MSRB3: variants seen among roughly 807,000 people sequenced by gnomAD.
The protein encoded by MSRB3 is methionine sulfoxide reductase B3.
MSRB3 carries 13 observed loss-of-function variants against 21.0 expected under a neutral mutation model. That is an observed-to-expected ratio of 0.62 (90% CI 0.40 to 0.98). The LOEUF (loss-of-function observed/expected upper bound fraction) is 0.98, where lower values mean the gene tolerates loss of function less well. MSRB3 is among the 50% of genes least tolerant of loss of function. The pLI, the probability that MSRB3 is intolerant of heterozygous loss-of-function variation, is 0.00. For missense variants in MSRB3, 199 were observed against 230.3 expected (o/e 0.86, Z 0.88); for synonymous variants, 87 against 88.6 (o/e 0.98, Z 0.10).
chr12:65,394,409 C>T (rs1879664813), intron 5 of MSRB3, among the ~76,000 whole-genome samples: 1 of 152,118 alleles, frequency 6.6e-6, no homozygotes, highest in Non-Finnish European at 1.5e-5. Flanking sequence ...ATAGGATATA[C>T]TTGTAACTGA....
At chr12:65,429,770 A>G (rs148713142) in intron 5 of MSRB3, among the ~76,000 whole-genome samples, 1 of 152,194 alleles carries the variant, frequency 6.6e-6, no homozygotes, top group East Asian at 1.9e-4. Flanking sequence ...CAGCTATATC[A>G]TAATGAATTC....
intron 5 of MSRB3, among the ~76,000 whole-genome samples, chr12:65,387,183 G>A (rs1870841880): frequency 6.6e-6 from 1 of 151,956 alleles, no homozygotes; most frequent in South Asian, 2.1e-4. Context: ...AAAAAAATCA[G>A]CAACATGAAT....
rs1382267389 is a variant in MSRB3 at position 65,434,828 on chromosome 12, C to T, written c.293-18900C>T. ...CACTGATATAATTATATCATTTGGT[C>T]TTTGTAACAGCTTTGTAAAATCACA... On this transcript the variant is annotated intron_variant, in intron 5 of 6. Transcript: ENST00000308259. Among the ~76,000 whole-genome samples the T allele has an allele frequency of 2.0e-5, 3 of 151,834 alleles. No homozygotes were observed. The East Asian group carries it at 5.8e-4, about 29-fold the overall frequency.
At chr12:65,343,731 G>C (rs1876299240) in intron 4 of MSRB3, among the ~76,000 whole-genome samples, 3 of 152,002 alleles carry the variant, frequency 2.0e-5, no homozygotes, top group African/African-American at 7.2e-5. Flanking sequence ...ATTCATGTCT[G>C]TCTGGCCCCT....
intron 4 of MSRB3, among the ~76,000 whole-genome samples, chr12:65,345,633 A>T (rs544801099): frequency 6.6e-6 from 1 of 152,146 alleles, no homozygotes; most frequent in Non-Finnish European, 1.5e-5. Context: ...CACAACGTGC[A>T]GGTTTGTTAC....
intron 1 of MSRB3, chr12:65,279,421 G>T (rs1288294138): frequency 6.6e-6 from 1 of 152,060 alleles, no homozygotes; most frequent in African/African-American, 2.4e-5. Context: ...CCCGCCGCCC[G>T]CCCTCCCTGC....
chr12:65,281,944 C>T (rs1290031297), intron 1 of MSRB3: 1 of 152,256 alleles, frequency 6.6e-6, no homozygotes, highest in Non-Finnish European at 1.5e-5. Context: ...GTTAGCATTT[C>T]TTCTTGCTGT....
intron 5 of MSRB3, among the ~76,000 whole-genome samples, chr12:65,383,129 T>C (rs1879032586): frequency 6.6e-6 from 1 of 152,228 alleles, no homozygotes; most frequent in Non-Finnish European, 1.5e-5. Flanking sequence ...TGATCAAATG[T>C]ACAAATCAAA....
At chr12:65,457,257 CAT>C (rs961389903) in intron 6 of MSRB3, among the ~76,000 whole-genome samples, 8 of 152,036 alleles carry the variant, frequency 5.3e-5, no homozygotes, top group African/African-American at 9.7e-5. Context: ...TTCTGGGAAA[CAT>C]GTGCAGAACG....
At chr12:65,359,843 T>A (rs1056811579) in intron 4 of MSRB3, among the ~76,000 whole-genome samples, 13 of 152,156 alleles carry the variant, frequency 8.5e-5, no homozygotes, top group African/African-American at 3.1e-4. Flanking sequence ...TTGGCTTTTA[T>A]TGGAGGTTTG....
chr12:65,436,974 G>A (rs1882147066), intron 5 of MSRB3, among the ~76,000 whole-genome samples: 1 of 151,850 alleles, frequency 6.6e-6, no homozygotes, highest in Non-Finnish European at 1.5e-5. Flanking sequence ...GAATAAATAG[G>A]ATGTGTACAC....
chr12:65,356,809 A>T (rs1877410096), intron 4 of MSRB3, among the ~76,000 whole-genome samples: 1 of 151,882 alleles, frequency 6.6e-6, no homozygotes, highest in Non-Finnish European at 1.5e-5. Context: ...TGAATTATTG[A>T]TTTGGGCCCA....
intron 5 of MSRB3, among the ~76,000 whole-genome samples, chr12:65,411,986 C>T (rs1296315870): frequency 6.6e-6 from 1 of 152,026 alleles, no homozygotes; most frequent in Non-Finnish European, 1.5e-5. Context: ...AGACAGGCAG[C>T]ATATAGCTTA....
intron 5 of MSRB3, among the ~76,000 whole-genome samples, chr12:65,375,582 G>A (rs1878565601): frequency 6.6e-6 from 1 of 151,968 alleles, no homozygotes; most frequent in Non-Finnish European, 1.5e-5. Flanking sequence ...GAATACAGGT[G>A]CACACCACCA....
intron 5 of MSRB3, among the ~76,000 whole-genome samples, chr12:65,429,038 G>T (rs1265176731): frequency 6.6e-6 from 1 of 151,932 alleles, no homozygotes; most frequent in Admixed American, 6.6e-5. Flanking sequence ...TTTACCCTTG[G>T]CCTCTAGTAT....
chr12:65,351,545 A>T lies in MSRB3; in HGVS notation c.264-17453A>T, dbSNP rs1876993826. 5.3e-5 allele frequency among the ~76,000 whole-genome samples: 8 copies of T among 150,440 alleles called. 1 individual carries two copies. In the South Asian group the frequency reaches 1.5e-3, roughly 27 times the overall value. On this transcript the variant is annotated intron_variant, in intron 4 of 6. Transcript: ENST00000308259. Reference sequence around the variant, plus strand: ...AGGAGCTGGTTTTTTGAAGGGATCAACAAAATTGATAGACTGCTAGCAAGA... The same window carrying T: ...AGGAGCTGGTTTTTTGAAGGGATCATCAAAATTGATAGACTGCTAGCAAGA...
chr12:65,369,779 A>G (rs1036512015), intron 5 of MSRB3, among the ~76,000 whole-genome samples: 2 of 152,196 alleles, frequency 1.3e-5, no homozygotes, highest in Non-Finnish European at 1.5e-5. Context: ...TAACAGATAA[A>G]TAAACATTAA....
At chr12:65,282,676 GTT>G (rs796149617) in intron 1 of MSRB3, among the ~76,000 whole-genome samples, 65 of 133,746 alleles carry the variant, frequency 4.9e-4, no homozygotes, top group African/African-American at 1.4e-3. Context: ...CTTTGCTGGT[GTT>G]TTTTTTTTTT....
chr12:65,430,062 TC>T (rs777455179), intron 5 of MSRB3, among the ~76,000 whole-genome samples: 9 of 152,152 alleles, frequency 5.9e-5, no homozygotes, highest in Non-Finnish European at 1.3e-4. Context: ...TTTCCTTCCT[TC>T]CTTCTTTCTT....
Sources: allele counts gnomAD v4.1 joint callset (sites outside exome capture counted in the v4.1 genomes callset), GRCh38; gene constraint gnomAD v4.1.1; transcripts MANE v1.5; gene names NCBI Gene and HGNC (gene_info 2026-07-23, HGNC 2026-07-21).